Variants in AMMECR1 observed in about 807,000 individuals in gnomAD.
AMMECR1 encodes the protein nuclear protein AMMECR1.
AMMECR1 carries 3 observed loss-of-function variants against 22.5 expected under a neutral mutation model. That is an observed-to-expected ratio of 0.13 (90% CI 0.06 to 0.35). AMMECR1 has a LOEUF of 0.35. AMMECR1 is among the 10% of genes least tolerant of loss of function. The pLI is 1.00. For missense variants in AMMECR1, 235 were observed against 278.7 expected (o/e 0.84, Z 1.12); for synonymous variants, 130 against 116.7 (o/e 1.11, Z -0.74).
At chrX:110,264,724 G>T in intron 1 of AMMECR1, 125 bp from the exon 2 acceptor site, 1 of 473,900 alleles carries the variant, frequency 2.1e-6, no homozygotes, top group Non-Finnish European at 3.6e-6. Flanking sequence ...CCTTCAAGGG[G>T]CTCACAGGCC....
intron 1 of AMMECR1, among the ~76,000 whole-genome samples, chrX:110,287,884 A>T (rs371464536): frequency 8.9e-5 from 10 of 112,206 alleles, no homozygotes; most frequent in African/African-American, 2.9e-4. Context: ...TTAGTACAAG[A>T]AACCATTATT....
intron 1 of AMMECR1, among the ~76,000 whole-genome samples, chrX:110,283,914 G>C (rs1196217777): frequency 9.0e-6 from 1 of 111,382 alleles, no homozygotes; most frequent in Non-Finnish European, 1.9e-5. Flanking sequence ...TTGAAGTCAG[G>C]AGTTTGAGAC....
chrX:110,425,387 C>G (rs200193998), intron 2 of AMMECR1, among the ~76,000 whole-genome samples: 2 of 112,797 alleles, frequency 1.8e-5, no homozygotes, highest in East Asian at 5.6e-4. Context: ...GCACAACCCA[C>G]CTAGAGACAG....
At chrX:110,337,419 A>G (rs1239563926) in intron 2 of AMMECR1, among the ~76,000 whole-genome samples, 2 of 111,754 alleles carry the variant, frequency 1.8e-5, no homozygotes, top group East Asian at 2.8e-4. Context: ...TTTCTTCAGC[A>G]TTTGAAGGAG....
Position 110,269,658 on chromosome X carries a change from A to C in AMMECR1, c.474-5059T>G, listed in dbSNP as rs2067788833. On this transcript the variant is annotated intron_variant, in intron 1 of 5. Transcript: ENST00000262844. ...GCTCAAAAATACAACTATATTCCTC[A>C]TAACATCCAGCTAAAAATACCATAA... Among the ~76,000 whole-genome samples the C allele has an allele frequency of 2.7e-5, 3 of 111,448 alleles. No homozygotes were observed. The Admixed American group carries it at 2.9e-4, about 11-fold the overall frequency.
chrX:110,260,462 TA>T (rs1407017561), intron 2 of AMMECR1, among the ~76,000 whole-genome samples: 1 of 111,163 alleles, frequency 9.0e-6, no homozygotes, highest in Non-Finnish European at 1.9e-5. Flanking sequence ...GCATTTCATT[TA>T]AAAAATACCC....
intron 2 of AMMECR1, among the ~76,000 whole-genome samples, chrX:110,253,558 T>TTTA (rs2067696423): frequency 8.8e-6 from 1 of 113,085 alleles, no homozygotes; most frequent in Admixed American, 9.3e-5. Context: ...ATATGTGCTT[T>TTTA]TAAAAAGAAC....
chrX:110,259,736 C>T (rs1332275628), intron 2 of AMMECR1, among the ~76,000 whole-genome samples: 1 of 109,057 alleles, frequency 9.2e-6, no homozygotes, highest in Admixed American at 9.8e-5. Context: ...GGACTACAGG[C>T]ACCCGCCACC....
intron 1 of AMMECR1, among the ~76,000 whole-genome samples, chrX:110,316,594 T>C (rs1260575984): frequency 9.2e-6 from 1 of 108,931 alleles, no homozygotes; most frequent in African/African-American, 3.3e-5. Context: ...AAAAAAACCA[T>C]ATGCCCCACC....
chrX:110,422,289 C>T (rs2068723066), intron 2 of AMMECR1, among the ~76,000 whole-genome samples: 1 of 113,008 alleles, frequency 8.8e-6, no homozygotes, highest in African/African-American at 3.2e-5. Context: ...GCTGGGCTCC[C>T]TTTTCTGGCA....
intron 2 of AMMECR1, among the ~76,000 whole-genome samples, chrX:110,382,713 A>G (rs1295980681): frequency 9.0e-6 from 1 of 111,230 alleles, no homozygotes; most frequent in African/African-American, 3.3e-5. Flanking sequence ...TCTGCATTCA[A>G]TTTGTCACTC....
At chrX:110,326,083 G>A (rs995905034) in intron 2 of AMMECR1, among the ~76,000 whole-genome samples, 2 of 111,070 alleles carry the variant, frequency 1.8e-5, no homozygotes, top group African/African-American at 6.6e-5. Flanking sequence ...TCTACCTCCT[G>A]GGTTCAAGAG....
chrX:110,397,810 G>C (rs147936100), intron 2 of AMMECR1, among the ~76,000 whole-genome samples: 4,645 of 111,532 alleles, frequency 0.042, 134 homozygotes, highest in African/African-American at 0.096. Flanking sequence ...GACTTGGGGG[G>C]GCAAACAGGC....
rs200513434 is a variant in AMMECR1, at chrX:110,203,354, AT to A, written c.700-819del. On this transcript the variant is annotated intron_variant, in intron 3 of 5. Transcript: ENST00000262844. ...AGTAACTGTGAGCAATTTCTTGCTA[AT>A]TTTTTTTTAATAATGTGCTTTTCCT... Among the ~76,000 whole-genome samples, 259 of 111,228 alleles carry A rather than the reference AT, an allele frequency of 2.3e-3. 2 individuals are homozygous for A. The highest frequency in any genetic ancestry group is 0.016 in the Admixed American group (165 of 10,463).
chrX:110,391,941 A>G (rs1471537272), intron 2 of AMMECR1, among the ~76,000 whole-genome samples: 1 of 112,498 alleles, frequency 8.9e-6, no homozygotes, highest in Non-Finnish European at 1.9e-5. Context: ...TTCTCCTCTG[A>G]TGAACAATTA....
At chrX:110,218,552 C>A (rs1260098558) in intron 2 of AMMECR1, among the ~76,000 whole-genome samples, 3 of 99,371 alleles carry the variant, frequency 3.0e-5, no homozygotes, top group African/African-American at 1.1e-4. Flanking sequence ...CGCCCCTAGT[C>A]CTGGCATAAA....
chrX:110,336,362 A>G (rs2068141294), intron 2 of AMMECR1, among the ~76,000 whole-genome samples: 1 of 110,837 alleles, frequency 9.0e-6, no homozygotes, highest in Admixed American at 9.6e-5. Context: ...GTAGATGAAC[A>G]TTATTTATTT....
chrX:110,411,117 G>T (rs1021772094), intron 2 of AMMECR1, among the ~76,000 whole-genome samples: 2 of 112,212 alleles, frequency 1.8e-5, no homozygotes, highest in African/African-American at 6.5e-5. Flanking sequence ...CTGAGCAAGA[G>T]AAGTCAGGGG....
intron 2 of AMMECR1, among the ~76,000 whole-genome samples, chrX:110,383,035 G>A (rs1236918528): frequency 8.9e-6 from 1 of 111,902 alleles, no homozygotes; most frequent in Non-Finnish European, 1.9e-5. Context: ...ATGAAGAGAC[G>A]ACTAAGGAGC....
Sources: gnomAD v4.1 joint callset for allele counts (sites outside exome capture counted in the v4.1 genomes callset) on GRCh38, gnomAD v4.1.1 for gene constraint, MANE v1.5 for transcripts, NCBI Gene and HGNC (gene_info 2026-07-23, HGNC 2026-07-21) for gene names.